Variants in VEGFC observed in about 807,000 individuals in gnomAD.
The protein encoded by VEGFC is vascular endothelial growth factor C.
A neutral mutation model predicts 46.1 loss-of-function variants in VEGFC; 12 were observed. The observed-to-expected ratio is 0.26, with a 90% confidence interval of 0.17 to 0.42. The LOEUF (loss-of-function observed/expected upper bound fraction) is 0.42. Among genes scored for constraint, VEGFC ranks in the 10% least tolerant of loss-of-function variants. The pLI is 1.00. For missense variants in VEGFC, 488 were observed against 529.4 expected (o/e 0.92, Z 0.77); for synonymous variants, 232 against 195.5 (o/e 1.19, Z -1.56).
At chr4:176,773,281 C>G (rs1400011209) in intron 1 of VEGFC, among the ~76,000 whole-genome samples, 7 of 152,204 alleles carry the variant, frequency 4.6e-5, no homozygotes, top group Non-Finnish European at 1.0e-4. Context: ...GCACAGGAGT[C>G]TGGACATTGA....
intron 4 of VEGFC, among the ~76,000 whole-genome samples, chr4:176,692,372 CG>C (rs1178468661): frequency 7.5e-6 from 1 of 133,146 alleles, no homozygotes; most frequent in Non-Finnish European, 1.5e-5. Context: ...CCAGCCTGGG[CG>C]ACAGAGCGAG....
intron 1 of VEGFC, among the ~76,000 whole-genome samples, chr4:176,760,508 T>A (rs993902806): frequency 6.6e-6 from 1 of 152,184 alleles, no homozygotes. Flanking sequence ...ATATTCTTAA[T>A]AAATATTTAT....
At chr4:176,703,250 T>C (rs1734466168) in intron 4 of VEGFC, among the ~76,000 whole-genome samples, 2 of 152,068 alleles carry the variant, frequency 1.3e-5, no homozygotes, top group Admixed American at 1.3e-4. Context: ...AAGTTAAAAA[T>C]AAAGAAAATC....
intron 1 of VEGFC, among the ~76,000 whole-genome samples, chr4:176,748,335 G>T: frequency 6.6e-6 from 1 of 151,954 alleles, no homozygotes; most frequent in African/African-American, 2.4e-5. Context: ...AGCTTTGCAG[G>T]GTTATACACT....
In VEGFC at chr4:176,711,938, A is replaced by C. The variant is rs191392201; in HGVS notation, c.553-288T>G. ...TGGTTATCCTATTAGACGTGACAGA[A>C]CAATGTGTTCAAGAAAAAAGAACTG... On this transcript the variant is annotated intron_variant, in intron 3 of 6. Transcript: ENST00000618562. Among the ~76,000 whole-genome samples, 514 of 152,270 alleles carry C rather than the reference A, an allele frequency of 3.4e-3. 3 individuals carry two copies. Among genetic ancestry groups the C allele is most frequent in the Admixed American group, 7.8e-3 (119 of 15,280 alleles).
intron 1 of VEGFC, among the ~76,000 whole-genome samples, chr4:176,759,225 A>C (rs1224576148): frequency 6.6e-6 from 1 of 152,174 alleles, no homozygotes; most frequent in Admixed American, 6.6e-5. Flanking sequence ...AGACCTGCCA[A>C]TTTGGGGGTT....
At chr4:176,778,606 CT>C (rs1169379254) in intron 1 of VEGFC, among the ~76,000 whole-genome samples, 10 of 152,148 alleles carry the variant, frequency 6.6e-5, no homozygotes, top group African/African-American at 2.2e-4. Flanking sequence ...GCTAAATCAT[CT>C]AACTCTGATG....
intron 4 of VEGFC, among the ~76,000 whole-genome samples, chr4:176,706,695 G>C (rs1179981420): frequency 7.1e-6 from 1 of 140,202 alleles, no homozygotes; most frequent in African/African-American, 2.7e-5. Context: ...TTAAAAAATT[G>C]TACTTAATAA....
Position 176,792,180 on chromosome 4 carries a change from G to A in VEGFC, c.132C>T (p.Asp44=). The part of the protein sequence containing the change: ...SGLDLSDAEP[D]AGEATAYASK... Reference sequence around the variant, plus strand: ...GCAGACCTACCGTGGCCTCGCCCGCGTCGGGCTCCGCGTCCGAGAGGTCGA... The same window carrying A: ...GCAGACCTACCGTGGCCTCGCCCGCATCGGGCTCCGCGTCCGAGAGGTCGA... Residue 44 remains aspartate, a synonymous_variant, in exon 1 of 7, where the codon GAC becomes GAT. Coordinates refer to ENST00000618562, the MANE Select transcript of VEGFC (RefSeq NM_005429.5). This position sits in a 1 kb window ranked among gnomAD's most constrained non-coding sequence, Gnocchi z 6.3. The A allele has an allele frequency of 2.0e-6, 3 of 1,519,610 alleles. No homozygotes were observed. The highest frequency in any genetic ancestry group is 2.6e-6 in the Non-Finnish European group (3 of 1,137,982). 94.1% of individuals were successfully genotyped at this position (1,519,610 alleles called of 1,614,324 possible). A position where few individuals can be genotyped will look rare whatever the true frequency, so the allele number is the denominator to read the frequency against.
At chr4:176,750,226 A>G (rs905226053) in intron 1 of VEGFC, among the ~76,000 whole-genome samples, 1 of 151,842 alleles carries the variant, frequency 6.6e-6, no homozygotes, top group African/African-American at 2.4e-5. Context: ...AGTTGTTCAG[A>G]TAAATGAAGA....
chr4:176,691,914 G>A (rs923017408), intron 4 of VEGFC, among the ~76,000 whole-genome samples: 146 of 152,286 alleles, frequency 9.6e-4, no homozygotes, highest in African/African-American at 3.3e-3. Flanking sequence ...GGGAGTGCCA[G>A]ACAGTGGGCG....
intron 1 of VEGFC, among the ~76,000 whole-genome samples, chr4:176,739,264 A>G (rs928890726): frequency 1.3e-5 from 2 of 151,160 alleles, no homozygotes; most frequent in Non-Finnish European, 1.5e-5. Flanking sequence ...AAATACCTAG[A>G]GGCAGAAATA....
chr4:176,716,822 A>T (rs1734708314), intron 3 of VEGFC, among the ~76,000 whole-genome samples: 1 of 152,142 alleles, frequency 6.6e-6, no homozygotes, highest in South Asian at 2.1e-4. Flanking sequence ...CTATCCAAAC[A>T]TATCAATGTT....
chr4:176,750,042 T>C (rs1157583542), intron 1 of VEGFC, among the ~76,000 whole-genome samples: 1 of 151,844 alleles, frequency 6.6e-6, no homozygotes, highest in Non-Finnish European at 1.5e-5. Flanking sequence ...CTTCAATTCA[T>C]GGAAAATTTG....
In VEGFC at chr4:176,783,857, C is replaced by A. The variant is rs1017669390; in HGVS notation, c.147+8308G>T. 4.4e-4 allele frequency among the ~76,000 whole-genome samples: 28 copies of A among 63,084 alleles called. No homozygotes were observed. The East Asian group carries it at 0.051, about 114-fold the overall frequency. 41.4% of individuals were successfully genotyped at this position (63,084 alleles called of 152,430 possible). On this transcript the variant is annotated intron_variant, in intron 1 of 6. Coordinates refer to ENST00000618562, the MANE Select transcript of VEGFC (RefSeq NM_005429.5). Reference sequence around the variant, plus strand: ...ATATTTTAGAAATTGGGAAAATTGTCAGTAATTTATAATTTTAAAAATTTA... The same window carrying A: ...ATATTTTAGAAATTGGGAAAATTGTAAGTAATTTATAATTTTAAAAATTTA...
intron 4 of VEGFC, among the ~76,000 whole-genome samples, chr4:176,699,239 G>A (rs985557476): frequency 2.6e-5 from 4 of 152,132 alleles, no homozygotes; most frequent in African/African-American, 9.7e-5. Context: ...TGGGAAGTGT[G>A]AGCCACCAGC....
chr4:176,692,363 C>T (rs1267951632), intron 4 of VEGFC, among the ~76,000 whole-genome samples: 3 of 133,392 alleles, frequency 2.2e-5, no homozygotes, highest in Admixed American at 7.2e-5. Flanking sequence ...CACTGCACTC[C>T]AGCCTGGGCG....
Position 176,792,831 on chromosome 4 carries a change from G to A in VEGFC, c.-520C>T, listed in dbSNP as rs1054068193. 4 of 144,806 alleles carry A rather than the reference G, an allele frequency of 2.8e-5. No individual in the cohort carries two copies. Among genetic ancestry groups the A allele is most frequent in the African/African-American group, 1.0e-4 (4 of 39,354 alleles). 9.0% of individuals were successfully genotyped at this position (144,806 alleles called of 1,614,324 possible). A position where few individuals can be genotyped will look rare whatever the true frequency, so the allele number is the denominator to read the frequency against. On this transcript the variant is annotated 5_prime_UTR_variant, in exon 1 of 7. Coordinates refer to ENST00000618562, the MANE Select transcript of VEGFC (RefSeq NM_005429.5). The surrounding 1 kb of genome is among the most constrained non-coding windows in gnomAD (Gnocchi z 6.3). ...GGAGGGCGGCGGGGCGGCTGGCGGC[G>A]GCGGGGCCCGGGAGCGCCGCGGCGC... is the stretch of plus-strand genomic sequence containing the variant.
Position 176,687,183 on chromosome 4 carries a change from T to C in VEGFC, c.1145+4A>G. ...AATTAATATTCTTCATGAGGATCTC[T>C]TACCTGCATGTTTGGTGGTGGAACT... On this transcript the variant is annotated splice_donor_region_variant and intron_variant, in intron 6 of 6. Coordinates refer to ENST00000618562, the MANE Select transcript of VEGFC (RefSeq NM_005429.5). 3.7e-6 allele frequency: 6 copies of C among 1,608,500 alleles called. No homozygotes were observed. Among genetic ancestry groups the C allele is most frequent in the Middle Eastern group, 1.7e-4 (1 of 6,012 alleles).
Sources: gnomAD v4.1 joint callset for allele counts (sites outside exome capture counted in the v4.1 genomes callset) on GRCh38, gnomAD v4.1.1 for gene constraint, Gnocchi (gnomAD v3.1) non-coding constraint, MANE v1.5 for transcripts, NCBI Gene and HGNC (gene_info 2026-07-23, HGNC 2026-07-21) for gene names.